ANKRD28: variants seen among roughly 807,000 people sequenced by gnomAD.
ANKRD28 encodes ankyrin repeat domain 28, also known as serine/threonine-protein phosphatase 6 regulatory ankyrin repeat subunit A.
ANKRD28 carries 44 observed loss-of-function variants against 126.5 expected under a neutral mutation model. The observed-to-expected ratio is 0.35, with a 90% confidence interval of 0.27 to 0.45. The LOEUF is 0.45. Among genes scored for constraint, ANKRD28 ranks in the 20% least tolerant of loss-of-function variants. The pLI is 1.00. For missense variants in ANKRD28, 1,110 were observed against 1,316.6 expected, an observed-to-expected ratio of 0.84 and a Z score of 2.43; for synonymous variants, 442 against 468.5, an observed-to-expected ratio of 0.94 and a Z score of 0.73.
chr3:15,808,105 T>C (rs913770880), intron 1 of ANKRD28, among the ~76,000 whole-genome samples: 2 of 152,230 alleles, frequency 1.3e-5, no homozygotes, highest in Non-Finnish European at 2.9e-5. Context: ...TAGGGAAAAC[T>C]GGATTCTAAC....
At chr3:15,823,136 C>T (rs962947122) in intron 1 of ANKRD28, among the ~76,000 whole-genome samples, 7 of 152,118 alleles carry the variant, frequency 4.6e-5, no homozygotes, top group African/African-American at 1.4e-4. Flanking sequence ...GAGCGGGGGG[C>T]GTTGGGCTGA....
rs59584114 is a variant in ANKRD28, at chr3:15,727,564, CAAAAA to C, written c.641-3045_641-3041del. ...CCTGGGCAACAAAGCGAAACTCTGT[CAAAAA>C]AAAAAAAAAAAAAAAAAAAAAGAAA... On this transcript the variant is annotated intron_variant, in intron 6 of 27. Transcript: ENST00000683139. Among the ~76,000 whole-genome samples, 11 of 65,958 alleles carry C rather than the reference CAAAAA, an allele frequency of 1.7e-4. No homozygotes were observed. The East Asian group carries it at 3.8e-3, about 23-fold the overall frequency. 43.3% of individuals were successfully genotyped at this position (65,958 alleles called of 152,430 possible).
At chr3:15,795,479 GA>G (rs920997192) in intron 1 of ANKRD28, among the ~76,000 whole-genome samples, 173 bp from the exon 2 acceptor site, 1 of 149,610 alleles carries the variant, frequency 6.7e-6, no homozygotes, top group South Asian at 2.1e-4. Context: ...TTCCTACTTG[GA>G]AAAAAAAGGC....
At chr3:15,728,607 T>TTA (rs1460941888) in intron 6 of ANKRD28, among the ~76,000 whole-genome samples, 2 of 152,214 alleles carry the variant, frequency 1.3e-5, no homozygotes, top group African/African-American at 4.8e-5. Context: ...AACATATCTT[T>TTA]TATATGCACT....
At chr3:15,783,541 C>T (rs2059632531) in intron 2 of ANKRD28, among the ~76,000 whole-genome samples, 1 of 151,878 alleles carries the variant, frequency 6.6e-6, no homozygotes, top group African/African-American at 2.4e-5. Context: ...AAAAAGCACA[C>T]ATTCATGCAA....
At chr3:15,782,835 T>C (rs2059597737) in intron 2 of ANKRD28, among the ~76,000 whole-genome samples, 1 of 152,088 alleles carries the variant, frequency 6.6e-6, no homozygotes, top group African/African-American at 2.4e-5. Context: ...AAAGACAAAC[T>C]TTCTCTTCAT....
chr3:15,672,628 G>C (rs1194036231), intron 27 of ANKRD28, among the ~76,000 whole-genome samples: 1 of 152,162 alleles, frequency 6.6e-6, no homozygotes, highest in Non-Finnish European at 1.5e-5. Flanking sequence ...TTCTTCTAAA[G>C]GTGCCTGCTG....
At position 15,710,036 on chromosome 3, in the gene ANKRD28, G is replaced by GTT. The variant is rs34686530; in HGVS notation, c.1338-302_1338-301dup. 6.4e-3 allele frequency among the ~76,000 whole-genome samples: 931 copies of GTT among 146,240 alleles called. 7 individuals are homozygous for GTT. Among genetic ancestry groups the GTT allele is most frequent in the African/African-American group, 0.014 (559 of 39,900 alleles). On this transcript the variant is annotated intron_variant, in intron 12 of 27. Transcript: ENST00000683139. ...GCTTTAGGAAACAACTTGCTTATAG[G>GTT]TTTTTTTTTTTTTCTTGAAACAGAG...
chr3:15,859,190 G>A (rs896658356), intron 1 of ANKRD28, among the ~76,000 whole-genome samples: 2 of 152,198 alleles, frequency 1.3e-5, no homozygotes, highest in Admixed American at 6.5e-5. Flanking sequence ...CCCAGGCCCC[G>A]GCAGCTCTGA....
chr3:15,724,572 C>A, intron 6 of ANKRD28, 48 bp from the exon 7 acceptor site: 1 of 1,489,042 alleles, frequency 6.7e-7, no homozygotes, highest in South Asian at 1.3e-5. Flanking sequence ...CATATGAAAA[C>A]TATTAAATAT....
intron 12 of ANKRD28, 73 bp downstream of exon 12, chr3:15,711,138 A>T: frequency 7.7e-7 from 1 of 1,301,156 alleles, no homozygotes; most frequent in East Asian, 2.4e-5. Context: ...TTAATAAAAA[A>T]GAACAAAGAT....
intron 14 of ANKRD28, among the ~76,000 whole-genome samples, 180 bp downstream of exon 14, chr3:15,707,744 A>G (rs1337078881): frequency 1.3e-5 from 2 of 152,272 alleles, no homozygotes; most frequent in Non-Finnish European, 2.9e-5. Flanking sequence ...GAGAATAGGT[A>G]GTAATAACTA....
intron 6 of ANKRD28, among the ~76,000 whole-genome samples, chr3:15,728,457 C>CGATT (rs2074350607): frequency 6.6e-6 from 1 of 152,082 alleles, no homozygotes; most frequent in Non-Finnish European, 1.5e-5. Context: ...CCACACTGGG[C>CGATT]TAATCTTTAA....
chr3:15,670,439 T>G lies in ANKRD28; in HGVS notation c.3083A>C (p.Asn1028Thr). ...GGTGTTGGTATAACGGTTAATGGCA[T>G]TGAATGTTAAGGATGATAAAGGACT... ...SSSPLSSLTF[N>T]AINRYTNTSK... Residue 1028 changes from asparagine (N) to threonine (T), a missense_variant, in exon 28 of 28, where the codon AAT becomes ACT. By Grantham distance (65) the Asn-to-Thr change is moderately conservative. Coordinates refer to ENST00000683139, the MANE Select transcript of ANKRD28 (RefSeq NM_001349278.2). 4 of 1,613,932 alleles carry G rather than the reference T, an allele frequency of 2.5e-6. No homozygotes were observed. Among genetic ancestry groups the G allele is most frequent in the Non-Finnish European group, 3.4e-6 (4 of 1,179,868 alleles).
chr3:15,674,174 C>CAAAAAAAAAAAAAAAAAAAAAAAAAA (rs34806568), intron 27 of ANKRD28, among the ~76,000 whole-genome samples: 1 of 40,286 alleles, frequency 2.5e-5, no homozygotes, highest in African/African-American at 1.1e-4. Context: ...CCTGCCTCTT[C>CAAAAAAAAAAAAAAAAAAAAAAAAAA]AAAAAAAAAA....
chr3:15,753,290 C>T (rs1383484820), intron 3 of ANKRD28, among the ~76,000 whole-genome samples: 2 of 152,300 alleles, frequency 1.3e-5, no homozygotes, highest in South Asian at 2.1e-4. Flanking sequence ...CACAGTAATG[C>T]CAACGTTTGT....
In ANKRD28 at chr3:15,833,023, T is replaced by C. The variant is rs2061238868; in HGVS notation, c.27+26354A>G. ...CTCCATACTATTTTCCATAAGGATT[T>C]TACTAACTTACATTCCCACCAATAG... On this transcript the variant is annotated intron_variant, in intron 1 of 27. Transcript: ENST00000399451. The surrounding 1 kb of genome is among the most constrained non-coding windows in gnomAD (Gnocchi z 4.4). 6.6e-6 allele frequency among the ~76,000 whole-genome samples: 1 copy of C among 152,244 alleles called. No homozygotes were observed. Among genetic ancestry groups the C allele is most frequent in the Admixed American group, 6.5e-5 (1 of 15,288 alleles).
chr3:15,800,796 G>GTAC (rs2060447347), upstream of ANKRD28, among the ~76,000 whole-genome samples: 1 of 152,082 alleles, frequency 6.6e-6, no homozygotes, highest in Non-Finnish European at 1.5e-5. Context: ...AGGATAGAAA[G>GTAC]TACTAGCCCA....
chr3:15,801,095 T>G (rs1278288444), upstream of ANKRD28, among the ~76,000 whole-genome samples: 1 of 152,144 alleles, frequency 6.6e-6, no homozygotes, highest in East Asian at 1.9e-4. This position sits in a 1 kb window ranked among gnomAD's most constrained non-coding sequence, Gnocchi z 4.9. Context: ...TCTTTGGTAC[T>G]TATTTTTTAG....
Sources: allele counts gnomAD v4.1 joint callset (sites outside exome capture counted in the v4.1 genomes callset), GRCh38; gene constraint gnomAD v4.1.1; non-coding constraint Gnocchi (gnomAD v3.1); transcripts MANE v1.5; gene names NCBI Gene and HGNC (gene_info 2026-07-23, HGNC 2026-07-21).